CSMD2: variants seen among roughly 807,000 people sequenced by gnomAD.
CSMD2 encodes CUB and Sushi multiple domains 2.
In CSMD2, 130 loss-of-function variants were observed where a neutral mutation model predicts 398.5. The ratio of observed to expected loss-of-function variants is 0.33; its 90% CI spans 0.28 to 0.38. CSMD2 has a LOEUF of 0.38. Among genes scored for constraint, CSMD2 ranks in the 10% least tolerant of loss-of-function variants. The pLI is 1.00. For synonymous variants in CSMD2, 1,828 were observed against 1,908.5 expected (o/e 0.96, Z 1.10); for missense variants, 3,829 against 4,764.9 (o/e 0.80, Z 5.78).
chr1:33,531,388 T>G (rs953779339), intron 64 of CSMD2, among the ~76,000 whole-genome samples: 1 of 152,194 alleles, frequency 6.6e-6, no homozygotes. Flanking sequence ...GCATTGCTGG[T>G]GGGAATAACA....
chr1:33,950,304 A>C (rs904485355), intron 3 of CSMD2, among the ~76,000 whole-genome samples: 3 of 151,102 alleles, frequency 2.0e-5, no homozygotes, highest in Non-Finnish European at 4.4e-5. Context: ...AGCCCCACCC[A>C]TGTCTCCAAC....
chr1:33,676,527 A>G (rs897587451), intron 25 of CSMD2, among the ~76,000 whole-genome samples: 1 of 152,222 alleles, frequency 6.6e-6, no homozygotes, highest in Non-Finnish European at 1.5e-5. Context: ...GAAAATGGCC[A>G]TACTGCCCAA....
At chr1:33,856,051 C>T (rs1269613156) in intron 5 of CSMD2, among the ~76,000 whole-genome samples, 1 of 152,240 alleles carries the variant, frequency 6.6e-6, no homozygotes, top group Non-Finnish European at 1.5e-5. Flanking sequence ...TCAGTTTCCT[C>T]ATCTGTGCAA....
chr1:33,745,627 G>A (rs1284915353), intron 13 of CSMD2, among the ~76,000 whole-genome samples: 1 of 152,160 alleles, frequency 6.6e-6, no homozygotes, highest in East Asian at 1.9e-4. Context: ...TCTGCATTAA[G>A]TATTTCTTTT....
intron 5 of CSMD2, among the ~76,000 whole-genome samples, chr1:33,849,860 T>A (rs1057173794): frequency 4.6e-5 from 7 of 151,976 alleles, no homozygotes; most frequent in Admixed American, 2.6e-4. Flanking sequence ...AACTATATTA[T>A]AATAGAGTTA....
At chr1:33,677,443 T>C (rs544954569) in intron 25 of CSMD2, among the ~76,000 whole-genome samples, 1 of 151,988 alleles carries the variant, frequency 6.6e-6, no homozygotes, top group East Asian at 1.9e-4. Context: ...ATGGCAATCA[T>C]TAAGTCAGGA....
At chr1:34,100,872 G>C (rs1659874435) in intron 1 of CSMD2, among the ~76,000 whole-genome samples, 1 of 152,192 alleles carries the variant, frequency 6.6e-6, no homozygotes, top group Non-Finnish European at 1.5e-5. Flanking sequence ...CCCCTATACA[G>C]TAACTGCCTC....
intron 13 of CSMD2, among the ~76,000 whole-genome samples, chr1:33,755,664 A>G (rs1648881910): frequency 6.6e-6 from 1 of 152,182 alleles, no homozygotes; most frequent in African/African-American, 2.4e-5. Context: ...ACAATTTTTT[A>G]GAGAAAGGGG....
intron 5 of CSMD2, among the ~76,000 whole-genome samples, chr1:33,851,922 CT>C (rs550120572): frequency 1.4e-4 from 20 of 147,480 alleles, no homozygotes; most frequent in East Asian, 5.9e-4. Flanking sequence ...CCTCCCAAGG[CT>C]TTTTTTTTTA....
chr1:33,774,565 TTGA>T, intron 12 of CSMD2, among the ~76,000 whole-genome samples: 1 of 152,230 alleles, frequency 6.6e-6, no homozygotes, highest in East Asian at 1.9e-4. Context: ...TGCAGGCATT[TTGA>T]GACCTGGTGA....
intron 14 of CSMD2, among the ~76,000 whole-genome samples, chr1:33,742,588 C>CCT (rs1557825025): frequency 1.4e-5 from 2 of 143,110 alleles, no homozygotes; most frequent in African/African-American, 2.6e-5. Context: ...CCCCCCCCCC[C>CCT]CCAACCCCCT....
intron 44 of CSMD2, among the ~76,000 whole-genome samples, chr1:33,593,865 T>C (rs899169078): frequency 6.6e-6 from 1 of 152,162 alleles, no homozygotes; most frequent in African/African-American, 2.4e-5. Flanking sequence ...TGTTTTTTCT[T>C]TTAGTGATTT....
intron 3 of CSMD2, among the ~76,000 whole-genome samples, chr1:34,027,468 A>C (rs1649796644): frequency 6.6e-6 from 1 of 152,260 alleles, no homozygotes; most frequent in African/African-American, 2.4e-5. Context: ...GGAATTATGT[A>C]TAAAATGGAA....
At chr1:34,072,063 C>A (rs1251292635) in intron 2 of CSMD2, among the ~76,000 whole-genome samples, 1 of 152,220 alleles carries the variant, frequency 6.6e-6, no homozygotes. Flanking sequence ...GCTCTCCATG[C>A]CCCTGGTCTG....
intron 49 of CSMD2, among the ~76,000 whole-genome samples, chr1:33,575,820 T>C (rs1441480752): frequency 6.6e-6 from 1 of 152,158 alleles, no homozygotes; most frequent in East Asian, 1.9e-4. Flanking sequence ...TAGCACATTG[T>C]TTTTGTTCTT....
chr1:33,976,960 G>A (rs1354721614), intron 3 of CSMD2, among the ~76,000 whole-genome samples: 1 of 151,914 alleles, frequency 6.6e-6, no homozygotes, highest in African/African-American at 2.4e-5. Context: ...GCAGTTTATG[G>A]GATATGGGGG....
intron 1 of CSMD2, among the ~76,000 whole-genome samples, chr1:34,152,174 T>C (rs1389398570): frequency 1.3e-5 from 2 of 152,182 alleles, no homozygotes; most frequent in Admixed American, 6.5e-5. Context: ...GATGGAAGTT[T>C]TGTGATGTTC....
intron 28 of CSMD2, among the ~76,000 whole-genome samples, chr1:33,649,871 A>T (rs1643660044): frequency 6.6e-6 from 1 of 152,150 alleles, no homozygotes; most frequent in Non-Finnish European, 1.5e-5. Context: ...AAAGGAGATA[A>T]GGCTGGCTAA....
chr1:33,794,561 G>A (rs1569978728), intron 10 of CSMD2, among the ~76,000 whole-genome samples: 1 of 152,184 alleles, frequency 6.6e-6, no homozygotes, highest in Admixed American at 6.5e-5. Context: ...GGAGGGTGGC[G>A]ATAGGAGAGA....
Sources: allele counts gnomAD v4.1 joint callset (sites outside exome capture counted in the v4.1 genomes callset), GRCh38; gene constraint gnomAD v4.1.1; transcripts MANE v1.5; gene names NCBI Gene and HGNC (gene_info 2026-07-23, HGNC 2026-07-21).